Variants in BMX observed in about 807,000 individuals in gnomAD.
The protein encoded by BMX is cytoplasmic tyrosine-protein kinase BMX.
In BMX, 31 loss-of-function variants were observed where a neutral mutation model predicts 59.2. The ratio of observed to expected loss-of-function variants is 0.52; its 90% CI spans 0.39 to 0.71. The LOEUF is 0.71. Ranked by LOEUF, BMX falls within the 30% of genes least tolerant of loss-of-function variation. The pLI, the probability that BMX is intolerant of heterozygous loss-of-function variation, is 0.00. For synonymous variants in BMX, 185 were observed against 181.0 expected (o/e 1.02, Z -0.18); for missense variants, 474 against 491.7 (o/e 0.96, Z 0.34).
chrX:15,551,751 C>T (rs1057292857), intron 18 of BMX, among the ~76,000 whole-genome samples: 3 of 110,639 alleles, frequency 2.7e-5, no homozygotes, highest in African/African-American at 9.9e-5. Context: ...AATTTCCCAC[C>T]CTATGGCATT....
chrX:15,504,015 C>T (rs1372718462), intron 1 of BMX, among the ~76,000 whole-genome samples: 1 of 111,845 alleles, frequency 8.9e-6, no homozygotes, highest in Admixed American at 9.5e-5. Flanking sequence ...AAACTCTAAA[C>T]AGCCTGGCAC....
At chrX:15,512,666 G>T (rs1302739001) in intron 4 of BMX, among the ~76,000 whole-genome samples, 1 of 111,961 alleles carries the variant, frequency 8.9e-6, no homozygotes, top group Admixed American at 9.5e-5. Context: ...CCATCTCTGG[G>T]TTTAAGTTAA....
intron 17 of BMX, among the ~76,000 whole-genome samples, chrX:15,549,072 T>A (rs747991209): frequency 7.2e-5 from 8 of 111,582 alleles, no homozygotes; most frequent in African/African-American, 2.6e-4. Context: ...TTATCCCACC[T>A]GTAAGTGACA....
At chrX:15,549,257 G>A (rs759962596) in intron 17 of BMX, among the ~76,000 whole-genome samples, 29 of 111,705 alleles carry the variant, frequency 2.6e-4, no homozygotes, top group Middle Eastern at 4.6e-3. Flanking sequence ...TCCCAAAGGC[G>A]GCCAGTGGCT....
At chrX:15,509,094 T>C (rs778212948) in intron 2 of BMX, among the ~76,000 whole-genome samples, 1 of 111,768 alleles carries the variant, frequency 8.9e-6, no homozygotes, top group Non-Finnish European at 1.9e-5. Flanking sequence ...TTGAAACACA[T>C]TTCAAGATAA....
chrX:15,514,472 G>A (rs1279275420), intron 4 of BMX, among the ~76,000 whole-genome samples: 11 of 111,069 alleles, frequency 9.9e-5, no homozygotes, highest in Non-Finnish European at 1.5e-4. Flanking sequence ...ATCTCCATAC[G>A]CTTCCTTGAG....
In BMX at chrX:15,522,326, A is replaced by C. The variant is rs774439971; in HGVS notation, c.511-20A>C. On this transcript the variant is annotated intron_variant, in intron 6 of 18. Coordinates refer to ENST00000348343, the MANE Select transcript of BMX (RefSeq NM_203281.3). ...ATCTGTGCCTCACTGTGATGTATTA[A>C]AATTTCTTCCCCTCCAAAGCTGAAG... The C allele has an allele frequency of 8.3e-7, 1 of 1,206,273 alleles. No individual in the cohort carries two copies. The highest frequency in any genetic ancestry group is 2.2e-5 in the Admixed American group (1 of 45,201).
At chrX:15,547,410 C>T (rs769662725) in intron 17 of BMX, among the ~76,000 whole-genome samples, 2 of 112,467 alleles carry the variant, frequency 1.8e-5, no homozygotes, top group African/African-American at 3.2e-5. Flanking sequence ...TTCCCTTCTG[C>T]GCTGACCAAT....
chrX:15,523,143 G>A (rs1392874373), intron 7 of BMX, among the ~76,000 whole-genome samples: 1 of 112,066 alleles, frequency 8.9e-6, no homozygotes, highest in African/African-American at 3.2e-5. Flanking sequence ...CACTGAATTT[G>A]CCCTACACTT....
intron 6 of BMX, among the ~76,000 whole-genome samples, chrX:15,521,879 C>T (rs1162423636): frequency 1.8e-5 from 2 of 111,824 alleles, no homozygotes; most frequent in African/African-American, 6.5e-5. Context: ...TGAACATATT[C>T]GGGAGACCAT....
chrX:15,507,867 CA>C (rs1228380833), intron 1 of BMX, among the ~76,000 whole-genome samples: 1 of 111,428 alleles, frequency 9.0e-6, no homozygotes, highest in African/African-American at 3.3e-5. Context: ...TGGCCATGAT[CA>C]GGGGCTGCAG....
In BMX at chrX:15,508,366, T is replaced by C. The variant is rs1044890948; in HGVS notation, c.13T>C (p.Ser5Pro). MDTK[S>P]ILEELLLKRS... Reference sequence around the variant, plus strand: ...TTAGGATGATAATATGGATACAAAATCTATTCTAGAAGAACTTCTTCTCAA... The same window carrying C: ...TTAGGATGATAATATGGATACAAAACCTATTCTAGAAGAACTTCTTCTCAA... The change falls in exon 2 of 19, where the codon TCT becomes CCT. Residue 5 changes from serine to proline, a missense_variant. Coordinates refer to ENST00000348343, the MANE Select transcript of BMX (RefSeq NM_203281.3). 1 of 1,129,378 alleles carries C rather than the reference T, an allele frequency of 8.9e-7. No homozygotes were observed. Among genetic ancestry groups the C allele is most frequent in the Non-Finnish European group, 1.2e-6 (1 of 838,704 alleles). The allele number at this position is 1,129,378 out of a possible 1,213,427, so 93.1% of individuals were successfully genotyped here.
intron 11 of BMX, among the ~76,000 whole-genome samples, chrX:15,531,821 G>A (rs931913626): frequency 3.2e-5 from 2 of 62,940 alleles, no homozygotes; most frequent in African/African-American, 8.9e-5. Context: ...CCAGTGTCCA[G>A]TTCTTAGTAA....
chrX:15,548,897 G>A (rs1410215676), intron 17 of BMX, among the ~76,000 whole-genome samples: 1 of 111,988 alleles, frequency 8.9e-6, no homozygotes, highest in Admixed American at 9.4e-5. Flanking sequence ...TCTGACCTTG[G>A]CCAGCACAGC....
At chrX:15,514,163 A>G (rs1296549300) in intron 4 of BMX, among the ~76,000 whole-genome samples, 1 of 112,010 alleles carries the variant, frequency 8.9e-6, no homozygotes, top group East Asian at 2.8e-4. Flanking sequence ...GAGAGCAGGA[A>G]GGCAAGTAAT....
chrX:15,516,125 C>T lies in BMX; in HGVS notation c.339C>T (p.Asn113=), dbSNP rs1335673979. 1.7e-6 allele frequency: 2 copies of T among 1,209,290 alleles called. No individual in the cohort carries two copies. Among genetic ancestry groups the T allele is most frequent in the African/African-American group, 3.5e-5 (2 of 57,362 alleles). The change falls in exon 5 of 19, where the codon AAC becomes AAT. Residue 113 remains asparagine (N), a synonymous_variant. Coordinates refer to ENST00000348343, the MANE Select transcript of BMX (RefSeq NM_203281.3). Reference sequence around the variant, plus strand: ...TCTGCTCCTCAGAGATAAGGGGTAACCCCCACCTGCTGGTCAAGTACCATA... The same window carrying T: ...TCTGCTCCTCAGAGATAAGGGGTAATCCCCACCTGCTGGTCAAGTACCATA... The part of the protein sequence containing the change: ...LKALQKEIRG[N]PHLLVKYHSG...
At chrX:15,533,230 A>T (rs765718726) in intron 11 of BMX, among the ~76,000 whole-genome samples, 1 of 111,909 alleles carries the variant, frequency 8.9e-6, no homozygotes, top group African/African-American at 3.2e-5. Flanking sequence ...TACATGTGAC[A>T]GGTTTGTTAT....
In BMX at chrX:15,508,415, T is replaced by C; in HGVS notation, c.62T>C (p.Met21Thr). 8.4e-7 allele frequency: 1 copy of C among 1,184,169 alleles called. No individual in the cohort carries two copies. Among genetic ancestry groups the C allele is most frequent in the Non-Finnish European group, 1.1e-6 (1 of 876,786 alleles). Residue 21 changes from methionine (M) to threonine (T), a missense_variant, in exon 2 of 19, where the codon ATG (methionine) becomes ACG (threonine). Physicochemically the swap from Met to Thr is moderately conservative, Grantham distance 81. Transcript: ENST00000348343. ...LLKRSQQKKK[M>T]SPNNYKERLF... ...AAAAGATCACAGCAAAAGAAGAAAATGTCACCAAATAATTACAAAGAACGG... is the reference window on the plus strand; with the variant it reads ...AAAAGATCACAGCAAAAGAAGAAAACGTCACCAAATAATTACAAAGAACGG...
chrX:15,529,811 A>C (rs1280705350), intron 9 of BMX, among the ~76,000 whole-genome samples, 162 bp from the exon 10 acceptor site: 2 of 112,336 alleles, frequency 1.8e-5, no homozygotes, highest in Non-Finnish European at 3.8e-5. Context: ...GGACTTAAGC[A>C]TTTGTATTTC....
Sources: allele counts gnomAD v4.1 joint callset (sites outside exome capture counted in the v4.1 genomes callset), GRCh38; gene constraint gnomAD v4.1.1; transcripts MANE v1.5; gene names NCBI Gene and HGNC (gene_info 2026-07-23, HGNC 2026-07-21).